NOL4: variants seen among roughly 807,000 people sequenced by gnomAD.
NOL4 encodes the protein nucleolar protein 4.
In NOL4, 17 loss-of-function variants were observed where a neutral mutation model predicts 75.9. The observed-to-expected ratio is 0.22, with a 90% CI of 0.15 to 0.34. The LOEUF (loss-of-function observed/expected upper bound fraction) is 0.34. Ranked by LOEUF, NOL4 falls within the 10% of genes least tolerant of loss-of-function variation. The pLI, the probability that NOL4 is intolerant of heterozygous loss-of-function variation, is 1.00. For synonymous variants in NOL4, 292 were observed against 289.9 expected (o/e 1.01, Z -0.07); for missense variants, 614 against 793.5 (o/e 0.77, Z 2.72).
At chr18:34,176,440 A>T (rs933834678) in intron 1 of NOL4, among the ~76,000 whole-genome samples, 117 of 152,160 alleles carry the variant, frequency 7.7e-4, no homozygotes, top group African/African-American at 2.7e-3. Context: ...ATTAATTTAC[A>T]CATCCAGAAA....
chr18:34,118,014 T>C (rs1185154574), intron 2 of NOL4, among the ~76,000 whole-genome samples: 1 of 152,224 alleles, frequency 6.6e-6, no homozygotes, highest in Non-Finnish European at 1.5e-5. Context: ...TGAGTGTTCC[T>C]AAATATCAGT....
chr18:33,934,307 C>T (rs2067909179), intron 9 of NOL4, among the ~76,000 whole-genome samples: 1 of 152,056 alleles, frequency 6.6e-6, no homozygotes, highest in Non-Finnish European at 1.5e-5. Flanking sequence ...GCCCTAGGAT[C>T]TTCAGAATGG....
chr18:34,154,543 A>G (rs1348395734), intron 1 of NOL4, among the ~76,000 whole-genome samples: 1 of 152,060 alleles, frequency 6.6e-6, no homozygotes, highest in East Asian at 1.9e-4. Context: ...ATAGTATTGC[A>G]TAGTAAAATA....
At chr18:33,904,545 C>T (rs2065921726) in intron 9 of NOL4, among the ~76,000 whole-genome samples, 1 of 152,048 alleles carries the variant, frequency 6.6e-6, no homozygotes, top group Non-Finnish European at 1.5e-5. Flanking sequence ...AGAACAAACT[C>T]TTTGTGGCAA....
chr18:34,062,489 T>G (rs1292563836), intron 5 of NOL4, among the ~76,000 whole-genome samples: 1 of 152,104 alleles, frequency 6.6e-6, no homozygotes, highest in South Asian at 2.1e-4. Context: ...ATAAATTAGC[T>G]AAAGAAGTAC....
chr18:33,913,225 T>A (rs1320536340), intron 9 of NOL4, among the ~76,000 whole-genome samples: 1 of 152,152 alleles, frequency 6.6e-6, no homozygotes, highest in African/African-American at 2.4e-5. Flanking sequence ...TGTTGTTTAG[T>A]CTTCCCCTTC....
At chr18:34,192,382 C>T (rs2034984021) in intron 1 of NOL4, among the ~76,000 whole-genome samples, 1 of 151,808 alleles carries the variant, frequency 6.6e-6, no homozygotes, top group Non-Finnish European at 1.5e-5. Context: ...TGTATAATAC[C>T]ACAAAAGATG....
At chr18:33,860,204 TC>T (rs1263733695) in intron 10 of NOL4, among the ~76,000 whole-genome samples, 1 of 152,014 alleles carries the variant, frequency 6.6e-6, no homozygotes, top group African/African-American at 2.4e-5. Flanking sequence ...ACCAGGTCCC[TC>T]CCAAAACACA....
At chr18:34,165,277 A>C (rs1438616820) in intron 1 of NOL4, among the ~76,000 whole-genome samples, 1 of 151,562 alleles carries the variant, frequency 6.6e-6, no homozygotes, top group Non-Finnish European at 1.5e-5. Context: ...CTGTGTATAG[A>C]CTAGTGTTTA....
intron 6 of NOL4, among the ~76,000 whole-genome samples, chr18:33,995,834 CGTCCT>C (rs2073241578): frequency 4.0e-5 from 6 of 151,664 alleles, no homozygotes; most frequent in African/African-American, 1.5e-4. Context: ...ATTGGCTTTA[CGTCCT>C]AGAATATGGC....
chr18:34,008,339 G>C (rs752161949), intron 6 of NOL4, among the ~76,000 whole-genome samples: 1 of 151,004 alleles, frequency 6.6e-6, no homozygotes, highest in Non-Finnish European at 1.5e-5. Context: ...GTGTGAGCCA[G>C]TCCTTCATAA....
chr18:34,046,736 G>A (rs1034859389), intron 5 of NOL4, among the ~76,000 whole-genome samples: 6 of 148,846 alleles, frequency 4.0e-5, no homozygotes, highest in Non-Finnish European at 8.9e-5. Context: ...TCTGCTCACT[G>A]CCTTCTGCAG....
intron 6 of NOL4, among the ~76,000 whole-genome samples, chr18:33,964,493 A>C (rs2070414016): frequency 6.6e-6 from 1 of 151,746 alleles, no homozygotes. Context: ...AAGAAAGGAC[A>C]GAAAAGAAAG....
chr18:33,976,843 T>C (rs1343208410), intron 6 of NOL4, among the ~76,000 whole-genome samples: 2 of 152,158 alleles, frequency 1.3e-5, no homozygotes, highest in African/African-American at 4.8e-5. Flanking sequence ...AGGGCACTAT[T>C]AATATTTTTA....
intron 9 of NOL4, among the ~76,000 whole-genome samples, chr18:33,895,556 A>T (rs1436882934): frequency 6.6e-6 from 1 of 152,152 alleles, no homozygotes; most frequent in Non-Finnish European, 1.5e-5. Flanking sequence ...CATTGGTTTT[A>T]TATGTGTATC....
chr18:33,884,631 G>C (rs529295206), intron 9 of NOL4, among the ~76,000 whole-genome samples: 1 of 143,722 alleles, frequency 7.0e-6, no homozygotes, highest in East Asian at 2.0e-4. Context: ...TTTACTTTTT[G>C]TTAATAGGAA....
chr18:34,195,733 C>T (rs2035281669), intron 1 of NOL4, among the ~76,000 whole-genome samples: 1 of 151,902 alleles, frequency 6.6e-6, no homozygotes, highest in Admixed American at 6.6e-5. Flanking sequence ...AATTTTACAA[C>T]TAGTTGTATG....
Position 34,109,920 on chromosome 18 carries a change from C to A in NOL4, c.415-4760G>T, listed in dbSNP as rs371793783. On this transcript the variant is annotated intron_variant, in intron 2 of 10. Coordinates refer to ENST00000261592, the MANE Select transcript of NOL4 (RefSeq NM_003787.5). ...ATAACACAAAAGAAATGCATAAATTCCTAGAAATGTGCAGCATACCAAGAC... is the reference window on the plus strand; with the variant it reads ...ATAACACAAAAGAAATGCATAAATTACTAGAAATGTGCAGCATACCAAGAC... Among the ~76,000 whole-genome samples the A allele has an allele frequency of 3.3e-5, 5 of 151,122 alleles. No homozygotes were observed. In the East Asian group the frequency reaches 9.7e-4, roughly 29 times the overall value.
intron 1 of NOL4, among the ~76,000 whole-genome samples, chr18:34,207,174 A>G (rs1376164982): frequency 2.6e-5 from 4 of 152,110 alleles, no homozygotes; most frequent in Non-Finnish European, 5.9e-5. Context: ...TAATTCCAAC[A>G]TCTGGTCCAA....
Sources: allele counts gnomAD v4.1 joint callset (sites outside exome capture counted in the v4.1 genomes callset), GRCh38; gene constraint gnomAD v4.1.1; transcripts MANE v1.5; gene names NCBI Gene and HGNC (gene_info 2026-07-23, HGNC 2026-07-21).